Variants in LOXL1 observed in about 807,000 individuals in gnomAD.
The protein encoded by LOXL1 is lysyl oxidase like 1.
A neutral mutation model predicts 62.2 loss-of-function variants in LOXL1; 31 were observed. That is an observed-to-expected ratio of 0.50 (90% CI 0.37 to 0.67). The LOEUF (loss-of-function observed/expected upper bound fraction) is 0.67, where lower values mean the gene tolerates loss of function less well. LOXL1 is among the 30% of genes least tolerant of loss of function. LOXL1 has a pLI of 0.00. For missense variants in LOXL1, 775 were observed against 843.4 expected (o/e 0.92, Z 1.00); for synonymous variants, 403 against 384.4 (o/e 1.05, Z -0.56).
chr15:73,951,859 C>T lies in LOXL1; in HGVS notation c.*22C>T. 2 of 1,533,974 alleles carry T rather than the reference C, an allele frequency of 1.3e-6. No individual in the cohort carries two copies. The highest frequency in any genetic ancestry group is 1.8e-6 in the Non-Finnish European group (2 of 1,135,304). Reference sequence around the variant, plus strand: ...CTGATCTCCGGGAGGGACAGATGGCCAATCTCTCCCCTTCCAAAGCAGGCC... The same window carrying T: ...CTGATCTCCGGGAGGGACAGATGGCTAATCTCTCCCCTTCCAAAGCAGGCC... On this transcript the variant is annotated 3_prime_UTR_variant, in exon 7 of 7. Coordinates refer to ENST00000261921, the MANE Select transcript of LOXL1 (RefSeq NM_005576.4).
chr15:73,928,068 C>A, intron 1 of LOXL1, 183 bp downstream of exon 1: 2 of 464,004 alleles, frequency 4.3e-6, no homozygotes, highest in Non-Finnish European at 7.1e-6. Flanking sequence ...ATCTCACCTC[C>A]CAGCTTAACC....
At chr15:73,937,200 G>C (rs1021828167) in intron 1 of LOXL1, among the ~76,000 whole-genome samples, 4 of 152,218 alleles carry the variant, frequency 2.6e-5, no homozygotes, top group African/African-American at 4.8e-5. Context: ...AGGAGGACAG[G>C]GTGGGCTTGT....
chr15:73,926,645 G>T lies in LOXL1; in HGVS notation c.-139G>T. 1 of 1,042,008 alleles carries T rather than the reference G, an allele frequency of 9.6e-7. No homozygotes were observed. The highest frequency in any genetic ancestry group is 1.7e-5 in the African/African-American group (1 of 59,680). 64.5% of individuals were successfully genotyped at this position (1,042,008 alleles called of 1,614,324 possible). On this transcript the variant is annotated 5_prime_UTR_variant, in exon 1 of 7. Transcript: ENST00000261921. ...TCATCGGAGGAGCCGTCCCGCTCGG[G>T]ACAAGGCCAGCATGGACAAAGCTAG... is the stretch of plus-strand genomic sequence containing the variant.
intron 1 of LOXL1, 168 bp downstream of exon 1, chr15:73,928,053 C>G (rs1436918566): frequency 5.7e-6 from 3 of 527,482 alleles, no homozygotes; most frequent in Non-Finnish European, 8.8e-6. Flanking sequence ...CAGCACCCCC[C>G]TGGCATCTCA....
chr15:73,942,070 GA>G, intron 1 of LOXL1: 1 of 165,444 alleles, frequency 6.0e-6, no homozygotes, highest in South Asian at 1.1e-4. Context: ...TTGGTGGCCG[GA>G]GGTTGCAGAC....
chr15:73,943,108 CA>C, intron 2 of LOXL1, 146 bp downstream of exon 2: 3 of 652,320 alleles, frequency 4.6e-6, no homozygotes, highest in Non-Finnish European at 8.2e-6. Flanking sequence ...CTGACCGTTT[CA>C]TCAGTGAGCC....
At chr15:73,942,547 C>A (rs1264196911) in intron 1 of LOXL1, among the ~76,000 whole-genome samples, 1 of 152,022 alleles carries the variant, frequency 6.6e-6, no homozygotes, top group Non-Finnish European at 1.5e-5. Flanking sequence ...CCGTGGACAC[C>A]CTTTCCCGCT....
intron 1 of LOXL1, among the ~76,000 whole-genome samples, chr15:73,939,614 A>C (rs917417101): frequency 1.3e-5 from 2 of 152,176 alleles, no homozygotes; most frequent in East Asian, 3.8e-4. Flanking sequence ...AGGCGGGGAG[A>C]GGACTTACAG....
chr15:73,927,549 G>A lies in LOXL1; in HGVS notation c.766G>A (p.Glu256Lys), dbSNP rs748482862. The change falls in exon 1 of 7, where the codon GAG becomes AAG. Residue 256 changes from glutamate (E) to lysine (K), a missense_variant. Glu to Lys is a moderately conservative substitution (Grantham distance 56). Transcript: ENST00000261921. ...GCCTCAGGGCTTCTACCCGGCCCCC[G>A]AGAGGCCCTACGTGCCGCCGCCGCC... ...YPPQGFYPAP[E>K]RPYVPPPPPP... 14 of 1,489,778 alleles carry A rather than the reference G, an allele frequency of 9.4e-6. No homozygotes were observed. The South Asian group carries it at 1.4e-4, about 15-fold the overall frequency. The allele number at this position is 1,489,778 out of a possible 1,614,324, so 92.3% of individuals were successfully genotyped here.
chr15:73,933,341 C>G (rs1226235712), intron 1 of LOXL1, among the ~76,000 whole-genome samples: 1 of 152,162 alleles, frequency 6.6e-6, no homozygotes, highest in Non-Finnish European at 1.5e-5. Flanking sequence ...TCACTCTGTT[C>G]CGTCTCTTAG....
chr15:73,946,466 C>A lies in LOXL1; in HGVS notation c.1261C>A (p.Arg421Ser). ...CGACTACGATGTGCGGGTGCTACTG[C>A]GCTTCCCCCAGCGCGTGAAGAACCA... ...ATDYDVRVLL[R>S]FPQRVKNQGT... is the part of the protein sequence containing the mutation. Residue 421 changes from arginine (R) to serine (S), a missense_variant, in exon 3 of 7, where the codon CGC (arginine) becomes AGC (serine). Transcript: ENST00000261921. 6.2e-7 allele frequency: 1 copy of A among 1,613,192 alleles called. No homozygotes were observed. Among genetic ancestry groups the A allele is most frequent in the East Asian group, 2.2e-5 (1 of 44,850 alleles).
chr15:73,940,279 G>A (rs1178628789), intron 1 of LOXL1, among the ~76,000 whole-genome samples: 2 of 152,176 alleles, frequency 1.3e-5, no homozygotes, highest in Admixed American at 6.5e-5. Flanking sequence ...ATGATCATCT[G>A]TAGCGAGGGT....
At chr15:73,942,691 C>G (rs1207149430) in intron 1 of LOXL1, among the ~76,000 whole-genome samples, 163 bp from the exon 2 acceptor site, 1 of 152,098 alleles carries the variant, frequency 6.6e-6, no homozygotes, top group Non-Finnish European at 1.5e-5. Context: ...GACCCCACAC[C>G]TGGGCCCAGG....
At chr15:73,947,329 A>T (rs1293667138) in intron 4 of LOXL1, 106 bp downstream of exon 4, 1 of 1,281,116 alleles carries the variant, frequency 7.8e-7, no homozygotes, top group Non-Finnish European at 1.1e-6. Flanking sequence ...CTGGCCACTC[A>T]GCTCTGCTCA....
intron 1 of LOXL1, among the ~76,000 whole-genome samples, chr15:73,935,562 G>C (rs1257845792): frequency 6.6e-6 from 1 of 152,184 alleles, no homozygotes; most frequent in African/African-American, 2.4e-5. Context: ...GTGGGGTAGG[G>C]GGCACCAGGC....
chr15:73,948,536 G>A (rs926136663), intron 5 of LOXL1, among the ~76,000 whole-genome samples: 4 of 152,200 alleles, frequency 2.6e-5, no homozygotes, highest in Non-Finnish European at 4.4e-5. Context: ...CATTCCACCA[G>A]TTCATCTGGA....
chr15:73,950,040 T>C (rs1210066590), intron 6 of LOXL1, among the ~76,000 whole-genome samples: 1 of 152,190 alleles, frequency 6.6e-6, no homozygotes, highest in Non-Finnish European at 1.5e-5. Context: ...ATTAGTGTCC[T>C]TTTCAAGTGG....
chr15:73,927,938 AC>A (rs2068602767), intron 1 of LOXL1, 53 bp downstream of exon 1: 1 of 1,279,522 alleles, frequency 7.8e-7, no homozygotes, highest in East Asian at 3.2e-5. Flanking sequence ...GCCACTGGAA[AC>A]TGCTCCGGGC....
At position 73,951,884 on chromosome 15, in the gene LOXL1, C is replaced by A; in HGVS notation, c.*47C>A. The stretch of plus-strand genomic sequence containing the variant: ...CAATCTCTCCCCTTCCAAAGCAGGC[C>A]CTGCTCCCCGGGCAGCCTCCCGCCG... On this transcript the variant is annotated 3_prime_UTR_variant, in exon 7 of 7. Transcript: ENST00000261921. 1 of 1,467,284 alleles carries A rather than the reference C, an allele frequency of 6.8e-7. No individual in the cohort carries two copies. The highest frequency in any genetic ancestry group is 9.1e-7 in the Non-Finnish European group (1 of 1,100,442). 90.9% of individuals were successfully genotyped at this position (1,467,284 alleles called of 1,614,324 possible).
Sources: allele counts gnomAD v4.1 joint callset (sites outside exome capture counted in the v4.1 genomes callset), GRCh38; gene constraint gnomAD v4.1.1; transcripts MANE v1.5; gene names NCBI Gene and HGNC (gene_info 2026-07-23, HGNC 2026-07-21).